The following GADL1 variants were observed in gnomAD, a reference collection of about 807,000 sequenced individuals.
GADL1 encodes GAD like acidic amino acid decarboxylase 1.
Under a neutral mutation model 69.5 loss-of-function variants are expected in GADL1, and 71 were observed. That is an observed-to-expected ratio of 1.02 (90% CI 0.84 to 1.25). The LOEUF is 1.25. Among genes scored for constraint, GADL1 ranks in the 50% most tolerant of loss-of-function variants. The pLI is 0.00. For synonymous variants in GADL1, 254 were observed against 214.4 expected (o/e 1.18, Z -1.62); for missense variants, 737 against 631.8 (o/e 1.17, Z -1.79).
intron 14 of GADL1, among the ~76,000 whole-genome samples, chr3:30,752,355 G>T (rs1254912835): frequency 6.6e-6 from 1 of 151,742 alleles, no homozygotes; most frequent in African/African-American, 2.4e-5. Flanking sequence ...TGCAGTTTAA[G>T]CACAATCTAT....
At chr3:30,775,294 G>C (rs1696510670) in intron 14 of GADL1, among the ~76,000 whole-genome samples, 1 of 152,190 alleles carries the variant, frequency 6.6e-6, no homozygotes, top group African/African-American at 2.4e-5. Context: ...AGCTCAACCT[G>C]ACGTTAGTCT....
Position 30,883,910 on chromosome 3 carries a change from T to C in GADL1, c.37+10668A>G, listed in dbSNP as rs572764708. ...TGCTATTGTAAATATTTTAAGTTTTTAAATAAAAATTTTAATTACTTGGCT... is the reference window on the plus strand; with the variant it reads ...TGCTATTGTAAATATTTTAAGTTTTCAAATAAAAATTTTAATTACTTGGCT... On this transcript the variant is annotated intron_variant, in intron 1 of 14. Transcript: ENST00000282538. Among the ~76,000 whole-genome samples, 19 of 152,170 alleles carry C rather than the reference T, an allele frequency of 1.2e-4. No individual in the cohort carries two copies. The South Asian group carries it at 3.3e-3, about 27-fold the overall frequency.
At chr3:30,801,483 CAAA>C (rs1411748730) in intron 11 of GADL1, among the ~76,000 whole-genome samples, 2 of 151,836 alleles carry the variant, frequency 1.3e-5, no homozygotes, top group East Asian at 1.9e-4. Flanking sequence ...ATTTCATAAG[CAAA>C]AAAACTAGGT....
intron 8 of GADL1, 96 bp from the exon 9 acceptor site, chr3:30,839,209 T>C: frequency 1.3e-6 from 1 of 754,990 alleles, no homozygotes; most frequent in African/African-American, 1.8e-5. Flanking sequence ...ATCCAGAGAG[T>C]TATTTGGGTT....
chr3:30,793,469 C>G (rs142203599), intron 12 of GADL1, among the ~76,000 whole-genome samples: 1 of 152,070 alleles, frequency 6.6e-6, no homozygotes, highest in Non-Finnish European at 1.5e-5. Flanking sequence ...AAACTACTAT[C>G]AAAAGGCATT....
chr3:30,832,614 T>C (rs1445559315), intron 11 of GADL1, among the ~76,000 whole-genome samples: 1 of 152,072 alleles, frequency 6.6e-6, no homozygotes, highest in Non-Finnish European at 1.5e-5. Flanking sequence ...GGATGCTTGA[T>C]ACATTTTTGT....
At chr3:30,770,266 T>C (rs1396340845) in intron 14 of GADL1, among the ~76,000 whole-genome samples, 1 of 152,212 alleles carries the variant, frequency 6.6e-6, no homozygotes, top group East Asian at 1.9e-4. Context: ...GACACAGTGG[T>C]AAGTGGCCTA....
In GADL1 at chr3:30,728,229, A is replaced by G. The variant is rs774807479; in HGVS notation, c.*13T>C. ...AGGATAGGATCTATGCCTCTGGGGG[A>G]CCAAAGCCACAGCTACATGTCTTTA... On this transcript the variant is annotated 3_prime_UTR_variant, in exon 15 of 15. Transcript: ENST00000282538. 59 of 1,610,778 alleles carry G rather than the reference A, an allele frequency of 3.7e-5. No individual in the cohort carries two copies. The highest frequency in any genetic ancestry group is 5.0e-5 in the Non-Finnish European group (59 of 1,177,420).
chr3:30,821,299 T>G (rs1467201161), intron 11 of GADL1, among the ~76,000 whole-genome samples: 2 of 152,040 alleles, frequency 1.3e-5, no homozygotes, highest in Middle Eastern at 3.2e-3. Context: ...CTGCACGTTG[T>G]GCACATGTAC....
chr3:30,826,287 G>A (rs1235850337), intron 11 of GADL1, among the ~76,000 whole-genome samples: 2 of 151,844 alleles, frequency 1.3e-5, no homozygotes, highest in Non-Finnish European at 2.9e-5. Context: ...AGGACACAAA[G>A]GCAGAATTTC....
rs1399827561 is a variant in GADL1 at position 30,778,178 on chromosome 3, C to T, written c.1392+1G>A. ...AAAAATACCATTTACTTATTACTTA[C>T]CAAATTAAGTTTTGCCCAGAACTCG... On this transcript the variant is annotated splice_donor_variant, in intron 14 of 14. Transcript: ENST00000282538. LOFTEE classifies it high-confidence loss of function. 5 of 1,558,902 alleles carry T rather than the reference C, an allele frequency of 3.2e-6. No homozygotes were observed. Among genetic ancestry groups the T allele is most frequent in the Non-Finnish European group, 4.4e-6 (5 of 1,131,506 alleles).
At chr3:30,729,993 T>A (rs551854669) in intron 14 of GADL1, among the ~76,000 whole-genome samples, 4 of 152,240 alleles carry the variant, frequency 2.6e-5, no homozygotes, top group South Asian at 4.1e-4. Context: ...ATGTTAGAGG[T>A]CAAGTTAGTG....
chr3:30,831,803 T>C (rs1031759328), intron 11 of GADL1, among the ~76,000 whole-genome samples: 2 of 151,884 alleles, frequency 1.3e-5, no homozygotes, highest in East Asian at 3.9e-4. Context: ...TAGGTGAATA[T>C]TGGGAGATAG....
intron 12 of GADL1, among the ~76,000 whole-genome samples, chr3:30,794,058 T>A (rs768348511): frequency 2.0e-5 from 3 of 152,226 alleles, no homozygotes; most frequent in Non-Finnish European, 4.4e-5. Context: ...AAACAAAGAC[T>A]GTTCCCTAGT....
chr3:30,751,745 T>G (rs1695824493), intron 14 of GADL1, among the ~76,000 whole-genome samples: 1 of 152,206 alleles, frequency 6.6e-6, no homozygotes, highest in African/African-American at 2.4e-5. Context: ...GAACTAGATT[T>G]CTGCTGCGCT....
chr3:30,800,714 T>C, intron 12 of GADL1, 175 bp downstream of exon 12: 1 of 618,826 alleles, frequency 1.6e-6, no homozygotes, highest in Middle Eastern at 4.4e-4. Context: ...AGAAAATGTG[T>C]ATTGGATGAA....
intron 1 of GADL1, among the ~76,000 whole-genome samples, chr3:30,889,660 C>T (rs73065060): frequency 0.16 from 24,302 of 151,884 alleles, 2,355 homozygotes; most frequent in Admixed American, 0.3. Context: ...TTTTAAATCA[C>T]GCATCTCTTT....
intron 11 of GADL1, among the ~76,000 whole-genome samples, chr3:30,824,753 A>G (rs1404248433): frequency 3.3e-5 from 5 of 150,886 alleles, no homozygotes; most frequent in South Asian, 2.1e-4. Context: ...ATTATTTGGT[A>G]TAACTACAGA....
At position 30,780,304 on chromosome 3, in the gene GADL1, G is replaced by A. The variant is rs528833194; in HGVS notation, c.1303-2036C>T. ...TGAGTACCACCAATGTAACATCTCA[G>A]TAAACTTTTCTGCTATCCCATGAGC... is the stretch of plus-strand genomic sequence containing the variant. On this transcript the variant is annotated intron_variant, in intron 13 of 14. Coordinates refer to ENST00000282538, the MANE Select transcript of GADL1 (RefSeq NM_207359.3). 2.5e-4 allele frequency among the ~76,000 whole-genome samples: 38 copies of A among 152,232 alleles called. 1 individual carries two copies. The highest frequency in any genetic ancestry group is 8.9e-4 in the African/African-American group (37 of 41,546).
Sources: gnomAD v4.1 joint callset for allele counts (sites outside exome capture counted in the v4.1 genomes callset) on GRCh38, gnomAD v4.1.1 for gene constraint, MANE v1.5 for transcripts, NCBI Gene and HGNC (gene_info 2026-07-23, HGNC 2026-07-21) for gene names.